The following AGPAT5 variants were observed in gnomAD, a reference collection of about 807,000 sequenced individuals.
AGPAT5 encodes 1-acyl-sn-glycerol-3-phosphate acyltransferase epsilon.
Under a neutral mutation model 45.6 loss-of-function variants are expected in AGPAT5, and 46 were observed. The ratio of observed to expected loss-of-function variants is 1.01; its 90% CI spans 0.80 to 1.29. The LOEUF is 1.29. Ranked by LOEUF, AGPAT5 falls within the 50% of genes most tolerant of loss-of-function variation. AGPAT5 has a pLI of 0.00. For missense variants in AGPAT5, 673 were observed against 450.7 expected (o/e 1.49, Z -4.47); for synonymous variants, 272 against 167.0 (o/e 1.63, Z -4.85).
intron 1 of AGPAT5, among the ~76,000 whole-genome samples, chr8:6,713,901 A>G (rs1406015732): frequency 1.3e-5 from 2 of 152,216 alleles, no homozygotes; most frequent in African/African-American, 2.4e-5. Flanking sequence ...TTATCTAGAG[A>G]ACATTTATAA....
At chr8:6,741,214 A>C (rs1324508259) in intron 4 of AGPAT5, among the ~76,000 whole-genome samples, 1 of 152,060 alleles carries the variant, frequency 6.6e-6, no homozygotes, top group Non-Finnish European at 1.5e-5. Context: ...ACATGGTGGG[A>C]ATTTACTATA....
At chr8:6,740,839 C>T (rs1801223812) in intron 4 of AGPAT5, among the ~76,000 whole-genome samples, 1 of 152,086 alleles carries the variant, frequency 6.6e-6, no homozygotes, top group Admixed American at 6.5e-5. Context: ...CTCCCATGAG[C>T]TCCTGTCTTG....
At position 6,747,736 on chromosome 8, in the gene AGPAT5, T is replaced by C; in HGVS notation, c.653T>C (p.Met218Thr). ...IKATHVAFDC[M>T]KNYLDAIYDV... ...GCAACTCACGTTGCTTTTGATTGCA[T>C]GAAGAATTATTTAGATGCAATTTAT... The change falls in exon 6 of 8, where the codon ATG (methionine) becomes ACG (threonine). Residue 218 changes from methionine (M) to threonine (T), a missense_variant. Met to Thr is a moderately conservative substitution (Grantham distance 81, BLOSUM62 -1). Coordinates refer to ENST00000285518, the MANE Select transcript of AGPAT5 (RefSeq NM_018361.5). 6.2e-7 allele frequency: 1 copy of C among 1,614,206 alleles called. No homozygotes were observed.
At chr8:6,754,907 CT>C in intron 6 of AGPAT5, 143 bp from the exon 7 acceptor site, 1 of 603,334 alleles carries the variant, frequency 1.7e-6, no homozygotes, top group Non-Finnish European at 2.6e-6. Context: ...TTTTTTTTAA[CT>C]TTTGTTTATT....
In AGPAT5 at chr8:6,744,323, C is replaced by G. The variant is rs140168805; in HGVS notation, c.586+2572C>G. Among the ~76,000 whole-genome samples, 762 of 152,336 alleles carry G rather than the reference C, an allele frequency of 5.0e-3. 4 individuals carry two copies. The highest frequency in any genetic ancestry group is 0.018 in the African/African-American group (740 of 41,582). ...AGCATAGCAAACAAGAAAGCTAGTG[C>G]TCAGCTTTGTGTGGTAACGGCACTC... On this transcript the variant is annotated intron_variant, in intron 5 of 7. Coordinates refer to ENST00000285518, the MANE Select transcript of AGPAT5 (RefSeq NM_018361.5).
chr8:6,730,928 G>A, intron 3 of AGPAT5, 102 bp downstream of exon 3: 3 of 681,060 alleles, frequency 4.4e-6, no homozygotes, highest in South Asian at 4.8e-5. Flanking sequence ...GAGTGCAGTG[G>A]TGTGAACACA....
intron 1 of AGPAT5, among the ~76,000 whole-genome samples, chr8:6,721,138 A>G (rs1800481799): frequency 6.6e-6 from 1 of 152,238 alleles, no homozygotes; most frequent in African/African-American, 2.4e-5. Context: ...AGGGCATAAT[A>G]ATTTTACTAT....
At chr8:6,710,480 G>C (rs1253570602) in intron 1 of AGPAT5, among the ~76,000 whole-genome samples, 1 of 152,196 alleles carries the variant, frequency 6.6e-6, no homozygotes, top group Non-Finnish European at 1.5e-5. Context: ...TGTGTTCCTT[G>C]ATGAAGTTCT....
chr8:6,750,054 C>CTT (rs1437689324), intron 6 of AGPAT5, among the ~76,000 whole-genome samples: 1 of 152,224 alleles, frequency 6.6e-6, no homozygotes, highest in Non-Finnish European at 1.5e-5. Flanking sequence ...GCCAATCCTG[C>CTT]TTTCCACAGG....
intron 3 of AGPAT5, among the ~76,000 whole-genome samples, 165 bp downstream of exon 3, chr8:6,730,991 C>G (rs1413418249): frequency 6.6e-6 from 1 of 151,224 alleles, no homozygotes; most frequent in Non-Finnish European, 1.5e-5. Flanking sequence ...GCCTCTGCCT[C>G]CCAAGTAGTT....
At chr8:6,730,595 G>C in intron 2 of AGPAT5, 116 bp from the exon 3 acceptor site, 1 of 68,158 alleles carries the variant, frequency 1.5e-5, no homozygotes, top group Non-Finnish European at 2.3e-5. Flanking sequence ...CTCCCAAAGT[G>C]CTGGGATTAC....
intron 1 of AGPAT5, among the ~76,000 whole-genome samples, chr8:6,715,364 T>G (rs1158002280): frequency 6.6e-6 from 1 of 152,112 alleles, no homozygotes; most frequent in Admixed American, 6.5e-5. Flanking sequence ...GAGTGGATGT[T>G]AAGATTGAAA....
chr8:6,746,411 G>C (rs1429569934), intron 5 of AGPAT5, among the ~76,000 whole-genome samples: 1 of 152,134 alleles, frequency 6.6e-6, no homozygotes, highest in African/African-American at 2.4e-5. Flanking sequence ...CTAGCTTTCT[G>C]TCTTTATTTC....
At chr8:6,719,051 T>A (rs963655036) in intron 1 of AGPAT5, among the ~76,000 whole-genome samples, 2 of 152,180 alleles carry the variant, frequency 1.3e-5, no homozygotes, top group Admixed American at 1.3e-4. Flanking sequence ...ATTGTAAAAA[T>A]TTGTTTTAAG....
chr8:6,718,157 G>C (rs939649875), intron 1 of AGPAT5, among the ~76,000 whole-genome samples: 5 of 152,188 alleles, frequency 3.3e-5, no homozygotes, highest in Non-Finnish European at 7.3e-5. Context: ...AATAAGAACA[G>C]TACCAAAAGA....
chr8:6,730,951 C>T (rs541279236), intron 3 of AGPAT5, 125 bp downstream of exon 3: 7 of 517,210 alleles, frequency 1.4e-5, no homozygotes, highest in Non-Finnish European at 2.3e-5. Context: ...TCACTGCAGC[C>T]TTGACCTCTG....
At chr8:6,746,317 C>T (rs957165757) in intron 5 of AGPAT5, 1 of 152,190 alleles carries the variant, frequency 6.6e-6, no homozygotes, top group Non-Finnish European at 1.5e-5. Context: ...GCTTTATCTA[C>T]GCGTTCTGGA....
At chr8:6,750,809 AT>A (rs1801633092) in intron 6 of AGPAT5, among the ~76,000 whole-genome samples, 1 of 151,906 alleles carries the variant, frequency 6.6e-6, no homozygotes, top group Non-Finnish European at 1.5e-5. Context: ...ATTATCAGGC[AT>A]TTTTATACTT....
chr8:6,708,821 C>T lies in AGPAT5; in HGVS notation c.153C>T (p.Asp51=). 1.2e-6 allele frequency: 2 copies of T among 1,611,762 alleles called. No individual in the cohort carries two copies. The highest frequency in any genetic ancestry group is 1.7e-6 in the Non-Finnish European group (2 of 1,179,756). ...FLPARFYQAL[D]DRLYCVYQSM... is the part of the protein sequence containing the mutation. ...CCGCCCGCTTCTACCAAGCGCTGGA[C>T]GACCGGCTCTACTGCGTCTACCAGA... Residue 51 remains aspartate (D), a synonymous_variant, in exon 1 of 8, where the codon GAC becomes GAT. Coordinates refer to ENST00000285518, the MANE Select transcript of AGPAT5 (RefSeq NM_018361.5).
Sources: gnomAD v4.1 joint callset for allele counts (sites outside exome capture counted in the v4.1 genomes callset) on GRCh38, gnomAD v4.1.1 for gene constraint, MANE v1.5 for transcripts, NCBI Gene and HGNC (gene_info 2026-07-23, HGNC 2026-07-21) for gene names.